Variants in PCGF5 observed in about 807,000 individuals in gnomAD.
PCGF5 encodes polycomb group ring finger 5.
A neutral mutation model predicts 44.3 loss-of-function variants in PCGF5; 9 were observed. The ratio of observed to expected loss-of-function variants is 0.20; its 90% CI spans 0.12 to 0.35. The LOEUF (loss-of-function observed/expected upper bound fraction) is 0.35, where lower values mean the gene tolerates loss of function less well. Ranked by LOEUF, PCGF5 falls within the 10% of genes least tolerant of loss-of-function variation. PCGF5 has a pLI of 1.00. For synonymous variants in PCGF5, 95 were observed against 102.5 expected, an observed-to-expected ratio of 0.93 and a Z score of 0.44; for missense variants, 146 against 305.3, an observed-to-expected ratio of 0.48 and a Z score of 3.89.
At chr10:91,225,270 C>T (rs559202894) in intron 2 of PCGF5, among the ~76,000 whole-genome samples, 5 of 143,502 alleles carry the variant, frequency 3.5e-5, no homozygotes, top group Non-Finnish European at 6.0e-5. Flanking sequence ...TATGTATATA[C>T]GATATATATC....
upstream of PCGF5, chr10:91,220,655 C>T (rs1038669232): frequency 2.9e-4 from 44 of 151,534 alleles, no homozygotes; most frequent in African/African-American, 1.0e-3. Context: ...CGAGGCCCGC[C>T]GCGCCCTGTC....
At chr10:91,175,316 G>A (rs888731546) in intron 1 of PCGF5, among the ~76,000 whole-genome samples, 43 of 152,042 alleles carry the variant, frequency 2.8e-4, no homozygotes, top group African/African-American at 9.7e-4. Flanking sequence ...AATGAAATTC[G>A]GCTCACAAAA....
chr10:91,231,945 A>G (rs1845017430), intron 2 of PCGF5, among the ~76,000 whole-genome samples: 1 of 152,200 alleles, frequency 6.6e-6, no homozygotes. Context: ...AAGTTATAAC[A>G]TATTCAAATG....
At chr10:91,200,511 G>C (rs1350209421) in intron 1 of PCGF5, among the ~76,000 whole-genome samples, 1 of 152,220 alleles carries the variant, frequency 6.6e-6, no homozygotes, top group Non-Finnish European at 1.5e-5. Flanking sequence ...GGATGAGATT[G>C]CATTGAAAGC....
intron 6 of PCGF5, among the ~76,000 whole-genome samples, chr10:91,261,023 C>CT (rs1009749295): frequency 1.4e-5 from 2 of 145,614 alleles, no homozygotes; most frequent in African/African-American, 2.8e-5. Context: ...TTTTTGTGAC[C>CT]TTTTTTTCTT....
chr10:91,227,422 G>A, intron 2 of PCGF5: 1 of 1,289,514 alleles, frequency 7.8e-7, no homozygotes, highest in Non-Finnish European at 1.0e-6. Flanking sequence ...TGGGATGCCA[G>A]CACTCAGTTA....
At chr10:91,199,041 G>C (rs12218424) in intron 1 of PCGF5, among the ~76,000 whole-genome samples, 15,862 of 152,142 alleles carry the variant, frequency 0.1, 1,826 homozygotes, top group African/African-American at 0.28. Context: ...AACTGAAACT[G>C]CATCACATAC....
rs747593585 is a variant in PCGF5, at chr10:91,261,420, A to G, written c.569A>G (p.Tyr190Cys). The G allele has an allele frequency of 2.1e-6, 3 of 1,458,168 alleles. No homozygotes were observed. The highest frequency in any genetic ancestry group is 2.8e-6 in the Non-Finnish European group (3 of 1,086,554). The allele number at this position is 1,458,168 out of a possible 1,614,324, so 90.3% of individuals were successfully genotyped here. A position where few individuals can be genotyped will look rare whatever the true frequency, so the allele number is the denominator to read the frequency against. ...LSLKLKLPSS[Y>C]ELDVLCNGEI... is the part of the protein sequence containing the mutation. ...TTAAAACTAAAACTTCCAAGTTCTT[A>G]TGAGGTAAGTTAAATAATATCTAAG... Residue 190 changes from tyrosine (Y) to cysteine (C), a missense_variant, in exon 7 of 10, where the codon TAT becomes TGT. By Grantham distance (194) the Tyr-to-Cys change is radical. Coordinates refer to ENST00000336126, the MANE Select transcript of PCGF5 (RefSeq NM_032373.5).
At chr10:91,241,767 T>C (rs1845334226) in intron 3 of PCGF5, among the ~76,000 whole-genome samples, 1 of 152,220 alleles carries the variant, frequency 6.6e-6, no homozygotes, top group South Asian at 2.1e-4. Context: ...GCCATCATTC[T>C]ATAAATCTGG....
intron 1 of PCGF5, among the ~76,000 whole-genome samples, chr10:91,206,535 A>C (rs1210860594): frequency 1.3e-5 from 2 of 152,182 alleles, no homozygotes; most frequent in Non-Finnish European, 2.9e-5. Flanking sequence ...GCCTCAGTGC[A>C]CTTAGGAGAG....
chr10:91,248,220 G>A (rs72815418), intron 3 of PCGF5, among the ~76,000 whole-genome samples: 7,856 of 152,168 alleles, frequency 0.052, 596 homozygotes, highest in East Asian at 0.36. Context: ...GTATTTCCAA[G>A]GCAGGGGAAT....
At chr10:91,168,929 GAAAAAAAAAAAAAAAAA>G (rs57345364) in intron 1 of PCGF5, among the ~76,000 whole-genome samples, 4 of 56,164 alleles carry the variant, frequency 7.1e-5, no homozygotes, top group African/African-American at 1.4e-4. Flanking sequence ...CTCCGTCTCA[GAAAAAAAAAAAAAAAAA>G]AAAAAAAAAA....
chr10:91,196,481 C>T (rs1417430827), intron 1 of PCGF5, among the ~76,000 whole-genome samples: 1 of 152,196 alleles, frequency 6.6e-6, no homozygotes, highest in East Asian at 1.9e-4. Flanking sequence ...ACTTGCTAAG[C>T]CTTCTTGTTC....
intron 2 of PCGF5, among the ~76,000 whole-genome samples, chr10:91,236,527 T>G (rs1363544008): frequency 6.6e-6 from 1 of 152,230 alleles, no homozygotes; most frequent in Non-Finnish European, 1.5e-5. Context: ...ATACATAGTC[T>G]TAACCTTAGA....
chr10:91,197,253 A>G (rs1212365257), intron 1 of PCGF5, among the ~76,000 whole-genome samples: 1 of 152,188 alleles, frequency 6.6e-6, no homozygotes, highest in Non-Finnish European at 1.5e-5. Flanking sequence ...TGGGGAAATC[A>G]TCTGAAGGCT....
chr10:91,236,617 A>G (rs1845170573), intron 2 of PCGF5, among the ~76,000 whole-genome samples: 1 of 152,224 alleles, frequency 6.6e-6, no homozygotes, highest in African/African-American at 2.4e-5. Context: ...TTTGGCATGA[A>G]ATCTTTAAGA....
chr10:91,234,634 A>G (rs1845103161), intron 2 of PCGF5, among the ~76,000 whole-genome samples: 1 of 152,224 alleles, frequency 6.6e-6, no homozygotes. Context: ...CAGTATTGTG[A>G]TGCTGATTCT....
At chr10:91,260,133 A>AGGGATCACGG (rs1554851227) in intron 6 of PCGF5, among the ~76,000 whole-genome samples, 2 of 151,622 alleles carry the variant, frequency 1.3e-5, no homozygotes, top group African/African-American at 4.9e-5. Flanking sequence ...AAACAACCCC[A>AGGGATCACGG]TCAAAAAGTG....
intron 1 of PCGF5, among the ~76,000 whole-genome samples, chr10:91,185,340 C>T (rs562295196): frequency 6.6e-5 from 10 of 152,316 alleles, no homozygotes; most frequent in Admixed American, 4.6e-4. Context: ...CTTCTGCCCC[C>T]GTGGGTTTGG....
Sources: gnomAD v4.1 joint callset for allele counts (sites outside exome capture counted in the v4.1 genomes callset) on GRCh38, gnomAD v4.1.1 for gene constraint, MANE v1.5 for transcripts, NCBI Gene and HGNC (gene_info 2026-07-23, HGNC 2026-07-21) for gene names.